The following SOX6 variants were observed in gnomAD, a reference collection of about 807,000 sequenced individuals.
The protein encoded by SOX6 is SRY-box transcription factor 6, also known as transcription factor SOX-6.
SOX6 carries 11 observed loss-of-function variants against 97.8 expected under a neutral mutation model. The ratio of observed to expected loss-of-function variants is 0.11; its 90% CI spans 0.07 to 0.19. The LOEUF is 0.19. Among genes scored for constraint, SOX6 ranks in the 10% least tolerant of loss-of-function variants. The pLI is 1.00. For missense variants in SOX6, 810 were observed against 1,039.5 expected (o/e 0.78, Z 3.04); for synonymous variants, 360 against 371.4 (o/e 0.97, Z 0.35).
At chr11:16,437,448 C>T (rs954954493) in intron 1 of SOX6, among the ~76,000 whole-genome samples, 5 of 152,068 alleles carry the variant, frequency 3.3e-5, no homozygotes, top group African/African-American at 1.2e-4. Context: ...CCTTGTAGTA[C>T]CTAAAAGAGA....
intron 6 of SOX6, among the ~76,000 whole-genome samples, chr11:16,180,015 T>C (rs566932524): frequency 4.6e-5 from 7 of 151,862 alleles, no homozygotes; most frequent in Admixed American, 4.6e-4. Context: ...TGTGTTCCTA[T>C]TGATGTGCTA....
At chr11:16,707,514 T>G (rs983120334) in intron 3 of SOX6, among the ~76,000 whole-genome samples, 1 of 152,172 alleles carries the variant, frequency 6.6e-6, no homozygotes, top group African/African-American at 2.4e-5. Context: ...TTATAATGAT[T>G]TATTGAGGTA....
intron 4 of SOX6, among the ~76,000 whole-genome samples, chr11:16,589,444 T>G (rs900319248): frequency 6.6e-6 from 1 of 152,130 alleles, no homozygotes; most frequent in Non-Finnish European, 1.5e-5. Context: ...ATAATCTAGT[T>G]TTTTACTAAA....
Position 16,649,002 on chromosome 11 carries a change from C to A in SOX6, n.430-36742G>T, listed in dbSNP as rs371524441. ...GGAAAGTTTCAACAATAGACTAGAA[C>A]AAGTAGAAGAAAGAACTTCAGAGCT... On this transcript the variant is annotated intron_variant and non_coding_transcript_variant, in intron 3 of 5. Coordinates refer to the SOX6 transcript ENST00000524520. Among the ~76,000 whole-genome samples the A allele has an allele frequency of 1.3e-4, 19 of 151,596 alleles. No homozygotes were observed. In the East Asian group the frequency reaches 2.7e-3, roughly 22 times the overall value.
At chr11:16,289,851 T>C (rs958998877) in intron 3 of SOX6, among the ~76,000 whole-genome samples, 2 of 151,928 alleles carry the variant, frequency 1.3e-5, no homozygotes, top group African/African-American at 4.8e-5. Context: ...TCACAAAGAA[T>C]ACCAATACTC....
intron 3 of SOX6, among the ~76,000 whole-genome samples, chr11:16,295,472 C>T (rs78477503): frequency 0.03 from 4,491 of 151,902 alleles, 213 homozygotes; most frequent in African/African-American, 0.1. Context: ...GATAGCCATC[C>T]GGAAATAAAT....
intron 13 of SOX6, among the ~76,000 whole-genome samples, chr11:15,993,613 G>A (rs1294257542): frequency 2.0e-5 from 3 of 152,154 alleles, no homozygotes; most frequent in East Asian, 1.9e-4. Flanking sequence ...GCAAGGTCCC[G>A]TATGCCAGGA....
intron 7 of SOX6, among the ~76,000 whole-genome samples, chr11:16,099,239 G>T (rs1488262886): frequency 2.0e-5 from 3 of 151,592 alleles, no homozygotes; most frequent in Non-Finnish European, 4.4e-5. Flanking sequence ...TACTATATGA[G>T]CTTTTTAAAA....
intron 1 of SOX6, among the ~76,000 whole-genome samples, chr11:16,380,375 T>C (rs1857776224): frequency 6.6e-6 from 1 of 152,064 alleles, no homozygotes; most frequent in Admixed American, 6.6e-5. Flanking sequence ...TTCTGAGGTA[T>C]CCCTAAATGT....
intron 4 of SOX6, among the ~76,000 whole-genome samples, chr11:16,542,319 G>T (rs1391241190): frequency 6.6e-6 from 1 of 152,058 alleles, no homozygotes; most frequent in East Asian, 1.9e-4. Flanking sequence ...TGTTGGGAAT[G>T]GGGGGCTTGG....
chr11:16,269,176 T>C (rs1519121), intron 3 of SOX6, among the ~76,000 whole-genome samples: 117,703 of 150,494 alleles, frequency 0.78, 46,178 homozygotes, highest in Non-Finnish European at 0.8. Flanking sequence ...ATTAAAAAGT[T>C]TATCTATGCC....
chr11:16,236,597 A>G (rs1853032574), intron 3 of SOX6, among the ~76,000 whole-genome samples: 1 of 152,034 alleles, frequency 6.6e-6, no homozygotes. Context: ...TTTTTTAGCT[A>G]AAGTTTGAGT....
At chr11:16,066,546 TAC>T (rs1848098280) in intron 9 of SOX6, among the ~76,000 whole-genome samples, 1 of 152,180 alleles carries the variant, frequency 6.6e-6, no homozygotes, top group South Asian at 2.1e-4. Context: ...GTGGTACTTA[TAC>T]ACAGTGGAGT....
At chr11:16,580,543 T>C (rs1349478484) in intron 4 of SOX6, among the ~76,000 whole-genome samples, 1 of 152,144 alleles carries the variant, frequency 6.6e-6, no homozygotes, top group Non-Finnish European at 1.5e-5. Context: ...CACTTGTATG[T>C]TCATCGCAGC....
intron 2 of SOX6, among the ~76,000 whole-genome samples, chr11:16,722,201 C>T (rs1042011040): frequency 2.0e-5 from 3 of 151,394 alleles, no homozygotes; most frequent in African/African-American, 4.9e-5. Context: ...TTCTACACAG[C>T]GAAAAAAAAC....
chr11:16,627,572 G>A (rs1269202134), intron 3 of SOX6, among the ~76,000 whole-genome samples: 17 of 152,046 alleles, frequency 1.1e-4, no homozygotes, highest in Non-Finnish European at 2.1e-4. Flanking sequence ...ATTTTTTCAC[G>A]TTTTTTGGCC....
chr11:16,411,142 T>G (rs1858803022), intron 1 of SOX6, among the ~76,000 whole-genome samples: 1 of 152,034 alleles, frequency 6.6e-6, no homozygotes, highest in South Asian at 2.1e-4. Flanking sequence ...AAAGGGGAAA[T>G]TCTACATAAT....
chr11:16,373,321 T>G (rs1165864797), intron 1 of SOX6, among the ~76,000 whole-genome samples: 1 of 152,084 alleles, frequency 6.6e-6, no homozygotes. Context: ...AAAAGAGAGA[T>G]GTGTCAGCAG....
chr11:16,334,611 A>C (rs1456249777), intron 2 of SOX6, among the ~76,000 whole-genome samples: 2 of 151,992 alleles, frequency 1.3e-5, no homozygotes, highest in African/African-American at 4.8e-5. Context: ...TATTTTTAGT[A>C]GAGATGGGGT....
Sources: allele counts gnomAD v4.1 joint callset (sites outside exome capture counted in the v4.1 genomes callset), GRCh38; gene constraint gnomAD v4.1.1; transcripts MANE v1.5; gene names NCBI Gene and HGNC (gene_info 2026-07-23, HGNC 2026-07-21).